TAFA2: variants seen among roughly 807,000 people sequenced by gnomAD.
TAFA2 encodes the protein TAFA chemokine like family member 2, also known as chemokine-like protein TAFA-2.
Under a neutral mutation model 18.8 loss-of-function variants are expected in TAFA2, and 7 were observed. That is an observed-to-expected ratio of 0.37 (90% CI 0.21 to 0.70). The LOEUF (loss-of-function observed/expected upper bound fraction) is 0.70. TAFA2 is among the 30% of genes least tolerant of loss of function. The pLI, the probability that TAFA2 is intolerant of heterozygous loss-of-function variation, is 0.53. For missense variants in TAFA2, 122 were observed against 158.1 expected (o/e 0.77, Z 1.23); for synonymous variants, 60 against 54.2 (o/e 1.11, Z -0.47).
At chr12:62,066,819 G>A (rs905299958) in intron 1 of TAFA2, among the ~76,000 whole-genome samples, 2 of 151,952 alleles carry the variant, frequency 1.3e-5, no homozygotes, top group Non-Finnish European at 1.5e-5. Flanking sequence ...CTTTCTTTTG[G>A]ACATATATTC....
chr12:61,760,619 C>G (rs1040918550), intron 2 of TAFA2, among the ~76,000 whole-genome samples: 8 of 151,550 alleles, frequency 5.3e-5, no homozygotes, highest in African/African-American at 1.9e-4. Flanking sequence ...AAAGATAAAA[C>G]TAATTCCTGT....
chr12:62,065,761 T>A (rs920773328), intron 1 of TAFA2, among the ~76,000 whole-genome samples: 3 of 151,254 alleles, frequency 2.0e-5, no homozygotes, highest in African/African-American at 7.3e-5. Flanking sequence ...GAACTAAAAC[T>A]GAGTTCTGTA....
intron 1 of TAFA2, among the ~76,000 whole-genome samples, chr12:62,156,867 G>A (rs1235358466): frequency 1.3e-5 from 2 of 152,060 alleles, no homozygotes; most frequent in African/African-American, 4.8e-5. Flanking sequence ...AATACCGCCT[G>A]TACCCCAATA....
chr12:62,072,908 A>G (rs1301915204), intron 1 of TAFA2, among the ~76,000 whole-genome samples: 1 of 152,210 alleles, frequency 6.6e-6, no homozygotes, highest in East Asian at 1.9e-4. Flanking sequence ...TAATCCTAGG[A>G]TGACTTATTC....
chr12:61,742,063 T>G (rs2120704994), intron 4 of TAFA2, among the ~76,000 whole-genome samples: 1 of 152,068 alleles, frequency 6.6e-6, no homozygotes, highest in African/African-American at 2.4e-5. Flanking sequence ...CCTGGCTAAT[T>G]TTTGCATTTT....
In TAFA2 at chr12:62,065,908, A is replaced by T. The variant is rs538185372; in HGVS notation, c.-2+125351T>A. Reference sequence around the variant, plus strand: ...AGCCTCCAGAGCCATACCACTTTATAAAAAAGCTGGTTACAATTATTAATA... The same window carrying T: ...AGCCTCCAGAGCCATACCACTTTATTAAAAAGCTGGTTACAATTATTAATA... On this transcript the variant is annotated intron_variant, in intron 1 of 4. Coordinates refer to ENST00000416284, the MANE Select transcript of TAFA2 (RefSeq NM_178539.5). 2.6e-5 allele frequency among the ~76,000 whole-genome samples: 4 copies of T among 152,060 alleles called. No homozygotes were observed. The Admixed American group carries it at 2.6e-4, about 10-fold the overall frequency.
chr12:61,843,950 A>G (rs992776453), intron 2 of TAFA2, among the ~76,000 whole-genome samples: 1 of 152,142 alleles, frequency 6.6e-6, no homozygotes, highest in Non-Finnish European at 1.5e-5. Flanking sequence ...AACTGAGTCA[A>G]TATGGTTACT....
At chr12:62,125,569 T>C (rs1870422436) in intron 1 of TAFA2, among the ~76,000 whole-genome samples, 2 of 152,150 alleles carry the variant, frequency 1.3e-5, no homozygotes, top group Non-Finnish European at 2.9e-5. Context: ...GTTTCCCAAA[T>C]GCTCACTGAA....
chr12:62,072,217 C>A (rs1041843015), intron 1 of TAFA2, among the ~76,000 whole-genome samples: 6 of 152,086 alleles, frequency 3.9e-5, no homozygotes, highest in Admixed American at 3.3e-4. Context: ...GTAATCCCAG[C>A]ACTTTGGAAG....
At chr12:61,928,590 T>C (rs995866199) in intron 1 of TAFA2, among the ~76,000 whole-genome samples, 2 of 152,188 alleles carry the variant, frequency 1.3e-5, no homozygotes, top group African/African-American at 4.8e-5. Flanking sequence ...GTTCAACCAT[T>C]GTGGAAGATA....
intron 1 of TAFA2, among the ~76,000 whole-genome samples, chr12:61,942,014 A>T (rs989450547): frequency 2.6e-5 from 4 of 151,792 alleles, no homozygotes; most frequent in African/African-American, 9.7e-5. Flanking sequence ...ACAGACAAAC[A>T]AAAAGACAGC....
intron 1 of TAFA2, among the ~76,000 whole-genome samples, chr12:61,906,441 C>A (rs1314634690): frequency 6.6e-6 from 1 of 152,190 alleles, no homozygotes; most frequent in Non-Finnish European, 1.5e-5. Flanking sequence ...CCTCCTTTGC[C>A]TTCTGCCATG....
At chr12:62,053,479 T>A (rs1882109227) in intron 1 of TAFA2, among the ~76,000 whole-genome samples, 2 of 152,228 alleles carry the variant, frequency 1.3e-5, no homozygotes, top group South Asian at 4.1e-4. Flanking sequence ...AATGCTGCTT[T>A]AACTTTGAAA....
chr12:62,062,148 T>C (rs1386499818), intron 1 of TAFA2, among the ~76,000 whole-genome samples: 1 of 152,064 alleles, frequency 6.6e-6, no homozygotes, highest in Non-Finnish European at 1.5e-5. Context: ...CACTCCAGCC[T>C]GGATGACAGA....
intron 1 of TAFA2, among the ~76,000 whole-genome samples, chr12:61,994,019 G>A (rs1880099729): frequency 6.6e-6 from 1 of 151,988 alleles, no homozygotes; most frequent in Admixed American, 6.6e-5. Context: ...ACATACTAAT[G>A]GTCCACAACT....
At chr12:61,834,721 A>G (rs1872849996) in intron 2 of TAFA2, among the ~76,000 whole-genome samples, 1 of 152,144 alleles carries the variant, frequency 6.6e-6, no homozygotes, top group South Asian at 2.1e-4. Flanking sequence ...TGGGAAAAAA[A>G]CTGTAAGACA....
intron 1 of TAFA2, among the ~76,000 whole-genome samples, chr12:61,903,396 T>C (rs933516823): frequency 6.6e-5 from 10 of 152,206 alleles, no homozygotes; most frequent in African/African-American, 2.4e-4. Context: ...TTTCCAATTA[T>C]GTGTACTTCA....
intron 2 of TAFA2, among the ~76,000 whole-genome samples, chr12:61,844,379 T>C (rs1214321862): frequency 6.6e-6 from 1 of 152,176 alleles, no homozygotes; most frequent in Non-Finnish European, 1.5e-5. Context: ...CTGAATCATG[T>C]GTACGGAGTC....
chr12:61,742,356 C>T (rs1868494804), intron 4 of TAFA2, among the ~76,000 whole-genome samples: 1 of 152,076 alleles, frequency 6.6e-6, no homozygotes, highest in Admixed American at 6.5e-5. Context: ...TGGACAAGAA[C>T]TCAGTATTTC....
Sources: allele counts gnomAD v4.1 joint callset (sites outside exome capture counted in the v4.1 genomes callset), GRCh38; gene constraint gnomAD v4.1.1; transcripts MANE v1.5; gene names NCBI Gene and HGNC (gene_info 2026-07-23, HGNC 2026-07-21).